LTBR: variants seen among roughly 807,000 people sequenced by gnomAD.
The protein encoded by LTBR is lymphotoxin beta receptor.
A neutral mutation model predicts 45.4 loss-of-function variants in LTBR; 15 were observed. The observed-to-expected ratio is 0.33, with a 90% CI of 0.22 to 0.51. The LOEUF is 0.51. LTBR is among the 20% of genes least tolerant of loss of function. The pLI is 0.97. For missense variants in LTBR, 450 were observed against 565.5 expected, an observed-to-expected ratio of 0.80 and a Z score of 2.07; for synonymous variants, 228 against 231.0, an observed-to-expected ratio of 0.99 and a Z score of 0.12.
chr12:6,382,788 T>C (rs1308591390), upstream of LTBR, among the ~76,000 whole-genome samples: 1 of 152,208 alleles, frequency 6.6e-6, no homozygotes, highest in Non-Finnish European at 1.5e-5. Flanking sequence ...GGACGAGTGC[T>C]GAACAGAGTC....
At position 6,388,760 on chromosome 12, in the gene LTBR, C is replaced by T; in HGVS notation, c.776-40C>T. 2 of 1,613,636 alleles carry T rather than the reference C, an allele frequency of 1.2e-6. No homozygotes were observed. Among genetic ancestry groups the T allele is most frequent in the Non-Finnish European group, 8.5e-7 (1 of 1,179,758 alleles). ...GGAGGCTGAAAGGCTAGGTCTGAGGCCTGCCGGGGAGCCTACACCCATTTC... is the reference window on the plus strand; with the variant it reads ...GGAGGCTGAAAGGCTAGGTCTGAGGTCTGCCGGGGAGCCTACACCCATTTC... On this transcript the variant is annotated intron_variant, in intron 7 of 9. Transcript: ENST00000228918. This position sits in a 1 kb window ranked among gnomAD's most constrained non-coding sequence, Gnocchi z 4.3.
chr12:6,390,721 C>T lies in LTBR; in HGVS notation c.1092C>T (p.Tyr364=), dbSNP rs573137100. ...CTATCACTGGCAACATCTACATCTA[C>T]AATGGACCAGTACTGGGGGGACCAC... ...SMTITGNIYI[Y]NGPVLGGPPG... Residue 364 remains tyrosine (Y), a synonymous_variant, in exon 10 of 10, where the codon TAC becomes TAT. Transcript: ENST00000228918. The T allele has an allele frequency of 2.0e-6, 3 of 1,510,612 alleles. No individual in the cohort carries two copies. The South Asian group carries it at 4.1e-5, about 21-fold the overall frequency. The allele number at this position is 1,510,612 out of a possible 1,614,324, so 93.6% of individuals were successfully genotyped here. A position where few individuals can be genotyped will look rare whatever the true frequency, so the allele number is the denominator to read the frequency against.
chr12:6,375,796 C>A, intron 1 of LTBR: 2 of 1,380,440 alleles, frequency 1.4e-6, no homozygotes, highest in Non-Finnish European at 9.3e-7. Context: ...GTAGAAGGAT[C>A]CTGAGCCCAC....
At chr12:6,385,602 C>G in intron 4 of LTBR, 1 of 605,934 alleles carries the variant, frequency 1.7e-6, no homozygotes, top group Non-Finnish European at 2.8e-6. Context: ...TACTGGGAAG[C>G]TTGGGCAAAA....
chr12:6,383,455 T>C (rs1188115740), upstream of LTBR, among the ~76,000 whole-genome samples: 18 of 152,082 alleles, frequency 1.2e-4, 1 homozygote, highest in Non-Finnish European at 2.6e-4. Context: ...GTTTGAAGGT[T>C]CATGGGCAAA....
Position 6,388,950 on chromosome 12 carries a change from C to G in LTBR, c.801+125C>G. ...ATTCATTCATTCAACTGATGATTTA[C>G]TGAACATGCCACGTACCAGGCACTG... On this transcript the variant is annotated intron_variant, in intron 8 of 9. Coordinates refer to ENST00000228918, the MANE Select transcript of LTBR (RefSeq NM_002342.3). The surrounding 1 kb of genome is among the most constrained non-coding windows in gnomAD (Gnocchi z 4.3). 2 of 1,207,894 alleles carry G rather than the reference C, an allele frequency of 1.7e-6. No homozygotes were observed. 74.8% of individuals were successfully genotyped at this position (1,207,894 alleles called of 1,614,324 possible).
chr12:6,384,063 C>T (rs1300137869), upstream of LTBR: 2 of 1,215,298 alleles, frequency 1.6e-6, no homozygotes, highest in South Asian at 4.0e-5. Flanking sequence ...CGCCCCGCAT[C>T]GAGGCAGACA....
chr12:6,390,579 G>A (rs987851208), intron 9 of LTBR, 81 bp from the exon 10 acceptor site: 22 of 1,400,394 alleles, frequency 1.6e-5, no homozygotes, highest in Admixed American at 4.6e-5. Context: ...GGGGAAAGGC[G>A]AGAAGAAGGC....
At chr12:6,383,539 CCT>C (rs1447350076), upstream of LTBR, among the ~76,000 whole-genome samples, 1 of 152,150 alleles carries the variant, frequency 6.6e-6, no homozygotes, top group Non-Finnish European at 1.5e-5. Flanking sequence ...ATATCCTCCC[CCT>C]CTCTTTGGGA....
At chr12:6,389,466 C>T (rs1040100368) in intron 8 of LTBR, 6 of 156,050 alleles carry the variant, frequency 3.8e-5, no homozygotes, top group Non-Finnish European at 7.1e-5. Flanking sequence ...CCATCCTGCA[C>T]GCACAAGCCT....
rs761530479 is a variant in LTBR at position 6,385,265 on chromosome 12, C to T, written c.358C>T (p.Arg120Trp). 9 of 1,613,980 alleles carry T rather than the reference C, an allele frequency of 5.6e-6. No homozygotes were observed. The highest frequency in any genetic ancestry group is 7.6e-6 in the Non-Finnish European group (9 of 1,180,036). ...LEEIAPCTSK[R>W]KTQCRCQPGM... ...GGAGATTGCCCCCTGCACAAGCAAACGGAAGACCCAGTGCCGCTGCCAGCC... is the reference window on the plus strand; with the variant it reads ...GGAGATTGCCCCCTGCACAAGCAAATGGAAGACCCAGTGCCGCTGCCAGCC... Residue 120 changes from arginine (R) to tryptophan (W), a missense_variant, in exon 4 of 10, where the codon CGG becomes TGG. By Grantham distance (101) the Arg-to-Trp change is moderately radical (BLOSUM62 -3). Coordinates refer to ENST00000228918, the MANE Select transcript of LTBR (RefSeq NM_002342.3).
intron 3 of LTBR, 21 bp from the exon 4 acceptor site, chr12:6,385,206 G>T (rs771192004): frequency 3.7e-6 from 6 of 1,614,046 alleles, no homozygotes; most frequent in Non-Finnish European, 5.1e-6. Flanking sequence ...CCCTCCCTGA[G>T]CCCTCCCGTC....
At chr12:6,385,837 G>A (rs1361461700) in intron 4 of LTBR, 12 of 418,562 alleles carry the variant, frequency 2.9e-5, no homozygotes, top group African/African-American at 8.4e-5. Flanking sequence ...CTTGGGAGGC[G>A]GAGCTTGCAG....
intron 1 of LTBR, chr12:6,377,384 A>C (rs1173903013): frequency 8.9e-6 from 8 of 897,878 alleles, no homozygotes; most frequent in Non-Finnish European, 1.4e-5. Context: ...GAGCAGAGCT[A>C]TAAACAGAAT....
At position 6,388,479 on chromosome 12, in the gene LTBR, G is replaced by C. The variant is rs781593151; in HGVS notation, c.749G>C (p.Ser250Thr). 3.1e-6 allele frequency: 5 copies of C among 1,613,980 alleles called. No homozygotes were observed. The African/African-American group carries it at 6.7e-5, about 22-fold the overall frequency. ...ACCGTCTTCTCCTGCATCTGGAAGA[G>C]CCACCCTTCTCTCTGCAGGAAACTG... ...LATVFSCIWK[S>T]HPSLCRKLGS... The change falls in exon 7 of 10, where the codon AGC becomes ACC. Residue 250 changes from serine to threonine, a missense_variant. This residue lies in a region of LTBR where 367 missense variants were observed against 435.4 expected (regional missense o/e 0.84). Transcript: ENST00000228918. The surrounding 1 kb of genome is among the most constrained non-coding windows in gnomAD (Gnocchi z 4.3).
chr12:6,389,823 G>T (rs1275061728), intron 8 of LTBR: 14 of 234,934 alleles, frequency 6.0e-5, no homozygotes, highest in Non-Finnish European at 8.8e-5. Context: ...AAAAAAAAAA[G>T]TTAGCCAGAC....
At position 6,388,661 on chromosome 12, in the gene LTBR, G is replaced by A. The variant is rs1458020292; in HGVS notation, c.776-139G>A. 3.4e-6 allele frequency: 4 copies of A among 1,161,840 alleles called. No individual in the cohort carries two copies. Among genetic ancestry groups the A allele is most frequent in the East Asian group, 2.4e-5 (1 of 42,414 alleles). 72.0% of individuals were successfully genotyped at this position (1,161,840 alleles called of 1,614,324 possible). ...TCATCCAGCTGCTTATTCTGAGGCT[G>A]GAGATGAGAGTGACAGTGGCTTGTT... On this transcript the variant is annotated intron_variant, in intron 7 of 9. Coordinates refer to ENST00000228918, the MANE Select transcript of LTBR (RefSeq NM_002342.3). This position sits in a 1 kb window ranked among gnomAD's most constrained non-coding sequence, Gnocchi z 4.3.
rs148065366 is a variant in LTBR at position 6,377,859 on chromosome 12, C to T, written c.39+2265C>T. The T allele has an allele frequency of 1.1e-3, 420 of 398,452 alleles. 2 individuals are homozygous for T. Among genetic ancestry groups the T allele is most frequent in the African/African-American group, 7.9e-3 (382 of 48,548 alleles). The allele number at this position is 398,452 out of a possible 1,614,324, so 24.7% of individuals were successfully genotyped here. A position where few individuals can be genotyped will look rare whatever the true frequency, so the allele number is the denominator to read the frequency against. On this transcript the variant is annotated intron_variant, in intron 1 of 9. Transcript: ENST00000539925. ...GAAGAATTGCAATGCCTGGTCTGGG[C>T]TGAGCCAAAGGGTGGTGACCCTGCC...
At chr12:6,389,835 G>A (rs1949090577) in intron 8 of LTBR, 1 of 351,476 alleles carries the variant, frequency 2.8e-6, no homozygotes. Flanking sequence ...TAGCCAGACA[G>A]TCCCAGCTAC....
Sources: allele counts gnomAD v4.1 joint callset (sites outside exome capture counted in the v4.1 genomes callset), GRCh38; gene constraint gnomAD v4.1.1; regional missense constraint gnomAD v4.1.1; non-coding constraint Gnocchi (gnomAD v3.1); transcripts MANE v1.5; gene names NCBI Gene and HGNC (gene_info 2026-07-23, HGNC 2026-07-21).